The following RANBP17 variants were observed in gnomAD, a reference collection of about 807,000 sequenced individuals.
The protein encoded by RANBP17 is RAN binding protein 17, also known as ran-binding protein 17.
Under a neutral mutation model 141.2 loss-of-function variants are expected in RANBP17, and 158 were observed. The observed-to-expected ratio is 1.12, with a 90% CI of 0.98 to 1.28. The LOEUF (loss-of-function observed/expected upper bound fraction) is 1.28, where lower values mean the gene tolerates loss of function less well. Ranked by LOEUF, RANBP17 falls within the 50% of genes most tolerant of loss-of-function variation. RANBP17 has a pLI of 0.00. For synonymous variants in RANBP17, 430 were observed against 450.0 expected, an observed-to-expected ratio of 0.96 and a Z score of 0.56; for missense variants, 1,438 against 1,290.7, an observed-to-expected ratio of 1.11 and a Z score of -1.75.
intron 14 of RANBP17, among the ~76,000 whole-genome samples, chr5:171,064,917 C>T (rs1034411175): frequency 4.0e-5 from 6 of 151,886 alleles, no homozygotes; most frequent in African/African-American, 1.2e-4. Flanking sequence ...TATTTATCTG[C>T]GATATATGCT....
intron 14 of RANBP17, among the ~76,000 whole-genome samples, chr5:171,061,165 G>T (rs1047804992): frequency 2.6e-5 from 4 of 151,916 alleles, no homozygotes; most frequent in African/African-American, 9.7e-5. Flanking sequence ...GTTTCCTTCA[G>T]TTCTGCTCTG....
intron 14 of RANBP17, among the ~76,000 whole-genome samples, chr5:171,016,464 A>G (rs1780441194): frequency 6.6e-6 from 1 of 151,914 alleles, no homozygotes. Context: ...ATGATTATCA[A>G]TATGGCTACC....
At chr5:171,112,393 G>A (rs1755298605) in intron 14 of RANBP17, among the ~76,000 whole-genome samples, 1 of 151,724 alleles carries the variant, frequency 6.6e-6, no homozygotes, top group African/African-American at 2.4e-5. Context: ...ATAAATGTTT[G>A]TAGGATAAAA....
intron 3 of RANBP17, among the ~76,000 whole-genome samples, chr5:170,887,474 G>A (rs1769259052): frequency 6.6e-6 from 1 of 152,196 alleles, no homozygotes; most frequent in South Asian, 2.1e-4. Flanking sequence ...TGAAGGGCAT[G>A]TAGTCTATGT....
chr5:170,881,981 A>G, intron 3 of RANBP17, 85 bp downstream of exon 3: 1 of 751,082 alleles, frequency 1.3e-6, no homozygotes, highest in Non-Finnish European at 2.1e-6. Flanking sequence ...TAGGATTGCA[A>G]ATTTTTTATG....
At chr5:171,193,200 G>A (rs1761762999) in intron 18 of RANBP17, among the ~76,000 whole-genome samples, 2 of 152,168 alleles carry the variant, frequency 1.3e-5, no homozygotes, top group African/African-American at 4.8e-5. Context: ...TTGCAAAAGT[G>A]TTGGATGTGA....
At chr5:170,969,433 T>C (rs1248499970) in intron 14 of RANBP17, among the ~76,000 whole-genome samples, 1 of 151,896 alleles carries the variant, frequency 6.6e-6, no homozygotes, top group Non-Finnish European at 1.5e-5. Context: ...AATTACATAC[T>C]ATAAAATTTA....
At chr5:171,255,802 C>A (rs887291959) in intron 24 of RANBP17, among the ~76,000 whole-genome samples, 6 of 152,068 alleles carry the variant, frequency 3.9e-5, no homozygotes, top group Non-Finnish European at 8.8e-5. Context: ...TAAATGGTGG[C>A]TGATTGCTGT....
intron 16 of RANBP17, among the ~76,000 whole-genome samples, chr5:171,172,910 C>T (rs1201510618): frequency 6.6e-6 from 1 of 151,296 alleles, no homozygotes; most frequent in Non-Finnish European, 1.5e-5. Flanking sequence ...CTTTTGAGTA[C>T]TTCTCAAAGT....
chr5:171,035,429 T>A (rs1473320688), intron 14 of RANBP17, among the ~76,000 whole-genome samples: 1 of 152,172 alleles, frequency 6.6e-6, no homozygotes, highest in African/African-American at 2.4e-5. Context: ...AGTCAAATGA[T>A]GCTTCTAATA....
intron 14 of RANBP17, among the ~76,000 whole-genome samples, chr5:171,065,030 G>A (rs1300949513): frequency 6.6e-6 from 1 of 152,004 alleles, no homozygotes; most frequent in African/African-American, 2.4e-5. Context: ...GTTTTTAATT[G>A]CATCTAGGAT....
chr5:170,999,366 A>G (rs1039724501), intron 14 of RANBP17, among the ~76,000 whole-genome samples: 1 of 152,122 alleles, frequency 6.6e-6, no homozygotes, highest in Admixed American at 6.6e-5. Flanking sequence ...TACTGCTAAT[A>G]AAGGCACATT....
chr5:171,023,680 C>T (rs1781035023), intron 14 of RANBP17, among the ~76,000 whole-genome samples: 1 of 152,156 alleles, frequency 6.6e-6, no homozygotes, highest in Non-Finnish European at 1.5e-5. Context: ...ATTCCACTGT[C>T]ATCTGGCTTT....
chr5:171,145,079 G>C (rs1043693160), intron 14 of RANBP17, among the ~76,000 whole-genome samples: 1 of 152,200 alleles, frequency 6.6e-6, no homozygotes, highest in African/African-American at 2.4e-5. Flanking sequence ...TTATCAAAAA[G>C]TGCTTTAGCA....
chr5:170,908,216 C>T (rs562773712), intron 5 of RANBP17, among the ~76,000 whole-genome samples: 1 of 151,996 alleles, frequency 6.6e-6, no homozygotes, highest in South Asian at 2.1e-4. Context: ...GGAACATGCA[C>T]TTACATGTTC....
At chr5:171,200,428 T>G (rs549857199) in intron 19 of RANBP17, among the ~76,000 whole-genome samples, 1 of 152,282 alleles carries the variant, frequency 6.6e-6, no homozygotes, top group Non-Finnish European at 1.5e-5. Context: ...TAGCAAGCTG[T>G]CTGTGACAAA....
intron 14 of RANBP17, among the ~76,000 whole-genome samples, chr5:171,150,758 A>G (rs892397373): frequency 1.4e-4 from 22 of 152,210 alleles, no homozygotes; most frequent in African/African-American, 5.1e-4. Flanking sequence ...CATACCCAAG[A>G]GATGATTCTG....
intron 19 of RANBP17, among the ~76,000 whole-genome samples, chr5:171,201,203 C>T (rs149298052): frequency 6.6e-6 from 1 of 152,238 alleles, no homozygotes; most frequent in East Asian, 1.9e-4. Context: ...ATCCCTAAAC[C>T]AGCAAGTTCT....
chr5:171,139,324 A>G (rs1322925598), intron 14 of RANBP17, among the ~76,000 whole-genome samples: 1 of 152,032 alleles, frequency 6.6e-6, no homozygotes, highest in African/African-American at 2.4e-5. Flanking sequence ...TTCTCCATCC[A>G]TCTCTTCCCT....
Sources: allele counts gnomAD v4.1 joint callset (sites outside exome capture counted in the v4.1 genomes callset), GRCh38; gene constraint gnomAD v4.1.1; transcripts MANE v1.5; gene names NCBI Gene and HGNC (gene_info 2026-07-23, HGNC 2026-07-21).